The following KHDRBS2 variants were observed in gnomAD, a reference collection of about 807,000 sequenced individuals.
KHDRBS2 encodes KH RNA binding domain containing, signal transduction associated 2, also known as KH domain-containing, RNA-binding, signal transduction-associated protein 2.
In KHDRBS2, 26 loss-of-function variants were observed where a neutral mutation model predicts 44.3. The ratio of observed to expected loss-of-function variants is 0.59; its 90% CI spans 0.43 to 0.81. The LOEUF is 0.81. Among genes scored for constraint, KHDRBS2 ranks in the 40% least tolerant of loss-of-function variants. KHDRBS2 has a pLI of 0.00. For synonymous variants in KHDRBS2, 194 were observed against 151.1 expected (o/e 1.28, Z -2.08); for missense variants, 476 against 433.1 (o/e 1.10, Z -0.88).
At chr6:62,168,080 TAAG>T (rs1819078554) in intron 2 of KHDRBS2, among the ~76,000 whole-genome samples, 1 of 152,148 alleles carries the variant, frequency 6.6e-6, no homozygotes, top group Non-Finnish European at 1.5e-5. Flanking sequence ...CTGAACAGAA[TAAG>T]AAGAAGTATA....
intron 6 of KHDRBS2, among the ~76,000 whole-genome samples, chr6:61,770,868 C>T (rs997041761): frequency 5.9e-5 from 9 of 152,054 alleles, no homozygotes; most frequent in African/African-American, 2.2e-4. Flanking sequence ...AAGAGCAACT[C>T]CAAGACACAT....
At chr6:61,834,132 T>G (rs1340435586) in intron 6 of KHDRBS2, among the ~76,000 whole-genome samples, 3 of 152,064 alleles carry the variant, frequency 2.0e-5, no homozygotes, top group African/African-American at 4.8e-5. Context: ...AGTATTTGTT[T>G]TACTCTTTAA....
chr6:61,566,063 T>C, the KHDRBS2 span, among the ~76,000 whole-genome samples: 10 of 151,658 alleles, frequency 6.6e-5, no homozygotes, highest in Admixed American at 3.3e-4. Context: ...TATGCAGCCA[T>C]ACAAAAAAAA....
chr6:61,825,221 T>G (rs2127256064), intron 6 of KHDRBS2, among the ~76,000 whole-genome samples: 1 of 152,298 alleles, frequency 6.6e-6, no homozygotes, highest in Admixed American at 6.5e-5. Flanking sequence ...CCTTTAAAAA[T>G]TATGTTTTTC....
chr6:61,720,687 T>G (rs952727557), intron 7 of KHDRBS2, among the ~76,000 whole-genome samples: 1 of 152,206 alleles, frequency 6.6e-6, no homozygotes, highest in Non-Finnish European at 1.5e-5. Context: ...AGCCCTTTGT[T>G]AGACGAGTAG....
At chr6:61,953,764 C>A (rs1473463380) in intron 4 of KHDRBS2, among the ~76,000 whole-genome samples, 1 of 152,120 alleles carries the variant, frequency 6.6e-6, no homozygotes, top group African/African-American at 2.4e-5. Context: ...GCCACGACCT[C>A]TCTGCCTACT....
chr6:61,713,925 T>C (rs948188934), intron 7 of KHDRBS2, among the ~76,000 whole-genome samples: 7 of 151,822 alleles, frequency 4.6e-5, no homozygotes, highest in Admixed American at 1.3e-4. Context: ...ATGTAAGACC[T>C]GAAACTATAA....
chr6:61,755,293 C>A (rs753344821), intron 6 of KHDRBS2, among the ~76,000 whole-genome samples: 1 of 152,056 alleles, frequency 6.6e-6, no homozygotes, highest in Non-Finnish European at 1.5e-5. Flanking sequence ...AGCTACTGAG[C>A]ATTGGTAAGT....
At chr6:62,117,384 A>G (rs1806517505) in intron 2 of KHDRBS2, among the ~76,000 whole-genome samples, 1 of 152,058 alleles carries the variant, frequency 6.6e-6, no homozygotes, top group Non-Finnish European at 1.5e-5. Flanking sequence ...ATACCTGTTG[A>G]CCATTTGGAT....
the KHDRBS2 span, among the ~76,000 whole-genome samples, chr6:61,549,947 A>G: frequency 6.6e-6 from 1 of 152,200 alleles, no homozygotes; most frequent in Non-Finnish European, 1.5e-5. Flanking sequence ...AAAGATTGAC[A>G]TGTTTTATGA....
At chr6:61,916,281 G>T (rs971074022) in intron 4 of KHDRBS2, among the ~76,000 whole-genome samples, 3 of 151,958 alleles carry the variant, frequency 2.0e-5, no homozygotes, top group African/African-American at 7.2e-5. Flanking sequence ...TAAAGACAGA[G>T]AATTCTATTC....
the KHDRBS2 span, among the ~76,000 whole-genome samples, chr6:61,656,046 G>T: frequency 2.6e-5 from 4 of 152,152 alleles, no homozygotes; most frequent in East Asian, 7.8e-4. Context: ...AATTCAAGAT[G>T]ATGCCTTTAA....
At chr6:61,784,072 CA>C (rs775437852) in intron 6 of KHDRBS2, among the ~76,000 whole-genome samples, 9 of 151,860 alleles carry the variant, frequency 5.9e-5, no homozygotes, top group Non-Finnish European at 1.2e-4. Context: ...TTAAATCTAA[CA>C]ATAAGTATAG....
At chr6:61,817,837 CT>C (rs1241104067) in intron 6 of KHDRBS2, among the ~76,000 whole-genome samples, 1 of 151,748 alleles carries the variant, frequency 6.6e-6, no homozygotes, top group Non-Finnish European at 1.5e-5. Flanking sequence ...CCAATTAACT[CT>C]GGCTCTATTG....
At chr6:62,207,763 A>C (rs1311485172) in intron 1 of KHDRBS2, among the ~76,000 whole-genome samples, 1 of 152,118 alleles carries the variant, frequency 6.6e-6, no homozygotes, top group African/African-American at 2.4e-5. Context: ...TTAAAACGAT[A>C]CTGGATTTTT....
At chr6:61,638,007 T>C in the KHDRBS2 span, among the ~76,000 whole-genome samples, 1 of 152,148 alleles carries the variant, frequency 6.6e-6, no homozygotes, top group Non-Finnish European at 1.5e-5. Flanking sequence ...GATGGTAGTT[T>C]CTTTTGCTGT....
chr6:62,069,178 C>T (rs1286656264), intron 2 of KHDRBS2, among the ~76,000 whole-genome samples: 1 of 151,584 alleles, frequency 6.6e-6, no homozygotes, highest in Non-Finnish European at 1.5e-5. Context: ...ACCACTAAGC[C>T]TACTGTTGAC....
chr6:62,129,618 GT>G (rs1809790752), intron 2 of KHDRBS2, among the ~76,000 whole-genome samples: 1 of 152,102 alleles, frequency 6.6e-6, no homozygotes, highest in Admixed American at 6.6e-5. Context: ...ACAAAAGAAT[GT>G]TCTTTAAGGT....
At chr6:61,645,504 A>T in the KHDRBS2 span, among the ~76,000 whole-genome samples, 1 of 141,820 alleles carries the variant, frequency 7.1e-6, no homozygotes, top group African/African-American at 2.7e-5. Context: ...AACAACAACA[A>T]CAAAATACTT....
Sources: gnomAD v4.1 joint callset for allele counts (sites outside exome capture counted in the v4.1 genomes callset) on GRCh38, gnomAD v4.1.1 for gene constraint, MANE v1.5 for transcripts, NCBI Gene and HGNC (gene_info 2026-07-23, HGNC 2026-07-21) for gene names.